The following POSTN variants were observed in gnomAD, a reference collection of about 807,000 sequenced individuals.
POSTN encodes periostin, also known as osteoblast specific factor 2 (fasciclin I-like).
Under a neutral mutation model 104.5 loss-of-function variants are expected in POSTN, and 71 were observed. The ratio of observed to expected loss-of-function variants is 0.68; its 90% CI spans 0.56 to 0.83. The LOEUF is 0.83. POSTN is among the 40% of genes least tolerant of loss of function. The pLI is 0.00. For synonymous variants in POSTN, 355 were observed against 340.7 expected, an observed-to-expected ratio of 1.04 and a Z score of -0.46; for missense variants, 949 against 1,006.8, an observed-to-expected ratio of 0.94 and a Z score of 0.78.
Position 37,569,800 on chromosome 13 carries a change from C to G in POSTN, c.2291G>C (p.Arg764Thr), listed in dbSNP as rs561691739. Residue 764 changes from arginine to threonine, a missense_variant, in exon 20 of 23, where the codon AGG becomes ACG. By Grantham distance (71) the Arg-to-Thr change is moderately conservative (BLOSUM62 -1). Coordinates refer to ENST00000379747, the MANE Select transcript of POSTN (RefSeq NM_006475.3). Reference sequence around the variant, plus strand: ...TGTTTCTCCACCTCCAGTAGAAATCCTAGTGTATTTTATTTCAGGACCTAT... The same window carrying G: ...TGTTTCTCCACCTCCAGTAGAAATCGTAGTGTATTTTATTTCAGGACCTAT... Reference protein sequence around the residue: ...IITGPEIKYTRISTGGGETEE... With the variant: ...IITGPEIKYTTISTGGGETEE... 23 of 1,604,200 alleles carry G rather than the reference C, an allele frequency of 1.4e-5. No individual in the cohort carries two copies. The highest frequency in any genetic ancestry group is 2.0e-5 in the Non-Finnish European group (23 of 1,172,380).
At chr13:37,575,018 C>A (rs1359490790) in intron 16 of POSTN, among the ~76,000 whole-genome samples, 1 of 151,744 alleles carries the variant, frequency 6.6e-6, no homozygotes, top group Admixed American at 6.6e-5. Context: ...TAATGTCATG[C>A]AATTCATAAT....
At chr13:37,569,863 C>T (rs1248888811) in intron 19 of POSTN, 42 bp from the exon 20 acceptor site, 1 of 1,326,080 alleles carries the variant, frequency 7.5e-7, no homozygotes. Flanking sequence ...CAGAAGTAGG[C>T]AAACTTCTTC....
chr13:37,569,243 A>T, intron 21 of POSTN, 57 bp downstream of exon 21: 1 of 1,276,786 alleles, frequency 7.8e-7, no homozygotes, highest in Non-Finnish European at 1.1e-6. Context: ...GTCTTTAAAA[A>T]GTTGAACTCA....
intron 17 of POSTN, among the ~76,000 whole-genome samples, chr13:37,572,594 GCT>G (rs1223730794): frequency 2.0e-5 from 3 of 151,460 alleles, no homozygotes; most frequent in Non-Finnish European, 4.4e-5. Flanking sequence ...TTATAGTTAA[GCT>G]CTATAAAAGA....
At chr13:37,591,112 T>G (rs1489993627) in intron 3 of POSTN, among the ~76,000 whole-genome samples, 1 of 152,114 alleles carries the variant, frequency 6.6e-6, no homozygotes, top group African/African-American at 2.4e-5. Flanking sequence ...GTTATTAAAT[T>G]TGTGAATATC....
intron 2 of POSTN, among the ~76,000 whole-genome samples, chr13:37,594,125 A>C (rs1298658990): frequency 6.6e-6 from 1 of 152,118 alleles, no homozygotes; most frequent in African/African-American, 2.4e-5. Flanking sequence ...GAGCTCTTGT[A>C]AATAAATCTA....
chr13:37,593,552 A>G (rs1951003832), intron 2 of POSTN, among the ~76,000 whole-genome samples: 1 of 151,404 alleles, frequency 6.6e-6, no homozygotes, highest in African/African-American at 2.4e-5. Flanking sequence ...CAAACAGATT[A>G]TGACAATTAT....
Position 37,563,269 on chromosome 13 carries a change from A to G in POSTN, c.*64T>C, listed in dbSNP as rs1188007517. The G allele has an allele frequency of 1.7e-6, 2 of 1,184,968 alleles. No homozygotes were observed. Among genetic ancestry groups the G allele is most frequent in the East Asian group, 2.4e-5 (1 of 41,364 alleles). The allele number at this position is 1,184,968 out of a possible 1,614,324, so 73.4% of individuals were successfully genotyped here. On this transcript the variant is annotated 3_prime_UTR_variant, in exon 23 of 23. Transcript: ENST00000379747. Reference sequence around the variant, plus strand: ...TTCCTGAAGTCAACTTGGCTCTCACAATTTTCTAAGGTCAGGTTATTGACT... The same window carrying G: ...TTCCTGAAGTCAACTTGGCTCTCACGATTTTCTAAGGTCAGGTTATTGACT...
intron 4 of POSTN, among the ~76,000 whole-genome samples, chr13:37,589,496 C>G (rs1038945751): frequency 6.6e-6 from 1 of 152,096 alleles, no homozygotes; most frequent in Admixed American, 6.6e-5. Context: ...TATCCCTCCC[C>G]CCTCCTCCCA....
chr13:37,586,393 T>G (rs1185037180), intron 6 of POSTN, 113 bp from the exon 7 acceptor site: 1 of 1,132,340 alleles, frequency 8.8e-7, no homozygotes, highest in African/African-American at 1.6e-5. Context: ...TATAGAGGTT[T>G]GTTGTTGTTA....
At chr13:37,587,234 T>G (rs1950774471) in intron 5 of POSTN, among the ~76,000 whole-genome samples, 1 of 152,192 alleles carries the variant, frequency 6.6e-6, no homozygotes. Context: ...GTCATAAACT[T>G]TTTAATGTGG....
At chr13:37,566,679 G>A (rs370827279) in intron 21 of POSTN, among the ~76,000 whole-genome samples, 8 of 152,202 alleles carry the variant, frequency 5.3e-5, no homozygotes, top group African/African-American at 1.7e-4. Context: ...GCAGATTTGC[G>A]AAAACCTTCA....
chr13:37,590,573 C>A, intron 3 of POSTN, 44 bp from the exon 4 acceptor site: 1 of 1,464,200 alleles, frequency 6.8e-7, no homozygotes. Flanking sequence ...ATAATATTCT[C>A]AGGATATTAT....
chr13:37,587,030 A>C, intron 5 of POSTN, 102 bp from the exon 6 acceptor site: 1 of 959,538 alleles, frequency 1.0e-6, no homozygotes, highest in Non-Finnish European at 1.6e-6. Context: ...TAGTAAATGT[A>C]ACATACAGGA....
chr13:37,592,002 T>G (rs952607607), intron 3 of POSTN, 98 bp downstream of exon 3: 1 of 725,934 alleles, frequency 1.4e-6, no homozygotes, highest in Non-Finnish European at 2.4e-6. Context: ...TTTAGGATGG[T>G]GCTGAATACA....
intron 16 of POSTN, among the ~76,000 whole-genome samples, chr13:37,576,218 C>A (rs1232386946): frequency 6.6e-6 from 1 of 151,956 alleles, no homozygotes; most frequent in African/African-American, 2.4e-5. Flanking sequence ...GGATAATATG[C>A]AGCAAAAAAT....
intron 3 of POSTN, among the ~76,000 whole-genome samples, chr13:37,591,151 A>G (rs1307143375): frequency 1.3e-5 from 2 of 152,200 alleles, no homozygotes; most frequent in African/African-American, 4.8e-5. Context: ...ACTATTAAGT[A>G]TAAAACCAGG....
At chr13:37,570,770 T>C in intron 18 of POSTN, 101 bp from the exon 19 acceptor site, 1 of 754,412 alleles carries the variant, frequency 1.3e-6, no homozygotes, top group South Asian at 1.7e-5. Flanking sequence ...TCTACAAATA[T>C]TACCATTTAA....
intron 17 of POSTN, among the ~76,000 whole-genome samples, chr13:37,573,924 A>ATGTG (rs59536872): frequency 0.5 from 75,460 of 150,620 alleles, 20,518 homozygotes; most frequent in East Asian, 0.77. Flanking sequence ...TCAGGAGAGA[A>ATGTG]TGTGTGTGTG....
Sources: allele counts gnomAD v4.1 joint callset (sites outside exome capture counted in the v4.1 genomes callset), GRCh38; gene constraint gnomAD v4.1.1; transcripts MANE v1.5; gene names NCBI Gene and HGNC (gene_info 2026-07-23, HGNC 2026-07-21).